NDUFS4: variants seen among roughly 807,000 people sequenced by gnomAD.
The protein encoded by NDUFS4 is NADH:ubiquinone oxidoreductase subunit S4.
In NDUFS4, 28 loss-of-function variants were observed where a neutral mutation model predicts 24.3. That is an observed-to-expected ratio of 1.15 (90% CI 0.85 to 1.58). The LOEUF (loss-of-function observed/expected upper bound fraction) is 1.58, where lower values mean the gene tolerates loss of function less well. Ranked by LOEUF, NDUFS4 falls within the 40% of genes most tolerant of loss-of-function variation. The probability of loss-of-function intolerance (pLI) is 0.00; values close to 1 mark genes in which losing one functional copy is unlikely to be tolerated. For synonymous variants in NDUFS4, 93 were observed against 69.7 expected (o/e 1.34, Z -1.67); for missense variants, 223 against 207.9 (o/e 1.07, Z -0.45).
At chr5:53,671,974 C>G (rs773547067) in intron 4 of NDUFS4, among the ~76,000 whole-genome samples, 2 of 151,984 alleles carry the variant, frequency 1.3e-5, no homozygotes, top group Non-Finnish European at 2.9e-5. Context: ...GGGCTGAGGA[C>G]AAGCTGTGAA....
chr5:53,634,983 C>T (rs994747029), intron 2 of NDUFS4, among the ~76,000 whole-genome samples: 12 of 151,820 alleles, frequency 7.9e-5, no homozygotes, highest in Admixed American at 3.9e-4. Context: ...TGAGGTCAAG[C>T]GTTCGAGACC....
chr5:53,676,241 C>T (rs1269317442), intron 4 of NDUFS4, among the ~76,000 whole-genome samples: 1 of 152,114 alleles, frequency 6.6e-6, no homozygotes, highest in Non-Finnish European at 1.5e-5. Flanking sequence ...TGAGAGAGGA[C>T]AGACTTTATG....
intron 4 of NDUFS4, among the ~76,000 whole-genome samples, chr5:53,676,367 A>G (rs1740469548): frequency 3.3e-5 from 5 of 152,198 alleles, no homozygotes; most frequent in Admixed American, 3.3e-4. Context: ...AGGTTCCTGC[A>G]GGCCTCTGGT....
intron 2 of NDUFS4, among the ~76,000 whole-genome samples, chr5:53,642,890 A>C (rs1751744296): frequency 6.6e-6 from 1 of 152,168 alleles, no homozygotes; most frequent in African/African-American, 2.4e-5. Flanking sequence ...GCATCTTTCC[A>C]ATAGCAAATT....
chr5:53,644,682 C>T (rs1194862332), intron 2 of NDUFS4, among the ~76,000 whole-genome samples: 1 of 151,996 alleles, frequency 6.6e-6, no homozygotes, highest in Non-Finnish European at 1.5e-5. Context: ...CTCATTTTTA[C>T]TTTAAACTAG....
intron 1 of NDUFS4, among the ~76,000 whole-genome samples, chr5:53,579,133 A>ATTC (rs1200236259): frequency 6.6e-6 from 1 of 152,170 alleles, no homozygotes; most frequent in African/African-American, 2.4e-5. Flanking sequence ...TTCTTGAAAG[A>ATTC]TTCTTCCCTT....
At chr5:53,661,814 T>A (rs1461285907) in intron 4 of NDUFS4, among the ~76,000 whole-genome samples, 2 of 152,202 alleles carry the variant, frequency 1.3e-5, no homozygotes, top group Non-Finnish European at 2.9e-5. Context: ...TAGTGGTGTA[T>A]AAGAATGCTT....
intron 2 of NDUFS4, among the ~76,000 whole-genome samples, chr5:53,628,544 C>A (rs1375965788): frequency 6.6e-6 from 1 of 151,400 alleles, no homozygotes; most frequent in Non-Finnish European, 1.5e-5. Context: ...TATTATTGCC[C>A]CAATTTTAGA....
chr5:53,649,763 C>T (rs1296122816), intron 3 of NDUFS4, among the ~76,000 whole-genome samples: 3 of 152,136 alleles, frequency 2.0e-5, no homozygotes, highest in Non-Finnish European at 1.5e-5. Flanking sequence ...ATACTGTATT[C>T]CATAGGGGTT....
At chr5:53,649,071 AT>A (rs1379137604) in intron 3 of NDUFS4, among the ~76,000 whole-genome samples, 3 of 152,294 alleles carry the variant, frequency 2.0e-5, no homozygotes, top group African/African-American at 7.2e-5. Flanking sequence ...ACTTTTCCTT[AT>A]ATCAGAAACA....
intron 2 of NDUFS4, among the ~76,000 whole-genome samples, chr5:53,642,188 AT>A (rs1561381469): frequency 6.6e-6 from 1 of 152,248 alleles, no homozygotes; most frequent in South Asian, 2.1e-4. Flanking sequence ...GGCCAGTGGC[AT>A]TTTTGTGGTT....
intron 2 of NDUFS4, among the ~76,000 whole-genome samples, chr5:53,609,880 T>G (rs1750644482): frequency 1.3e-5 from 2 of 152,138 alleles, no homozygotes; most frequent in South Asian, 4.1e-4. Flanking sequence ...TGAAGAGACT[T>G]AGGGCTCCTG....
At chr5:53,648,697 C>T (rs984216981) in intron 3 of NDUFS4, among the ~76,000 whole-genome samples, 19 of 152,126 alleles carry the variant, frequency 1.2e-4, no homozygotes, top group African/African-American at 3.9e-4. Context: ...GTGGTGGCTT[C>T]TGCTGACATC....
chr5:53,607,926 GT>G (rs971462448), intron 2 of NDUFS4, among the ~76,000 whole-genome samples: 1 of 152,082 alleles, frequency 6.6e-6, no homozygotes, highest in Non-Finnish European at 1.5e-5. Flanking sequence ...CAAAAATAGA[GT>G]TTTTTAAATT....
chr5:53,677,820 A>G (rs1179027273), intron 4 of NDUFS4, among the ~76,000 whole-genome samples: 1 of 152,184 alleles, frequency 6.6e-6, no homozygotes, highest in Non-Finnish European at 1.5e-5. Flanking sequence ...TGTTCTGTGT[A>G]CAAATGGAGA....
At chr5:53,594,190 T>TA (rs1340692786) in intron 1 of NDUFS4, among the ~76,000 whole-genome samples, 1 of 152,144 alleles carries the variant, frequency 6.6e-6, no homozygotes, top group African/African-American at 2.4e-5. Context: ...GTTTCATCAG[T>TA]GTTTGCATAG....
At chr5:53,615,991 C>A (rs1284987735) in intron 2 of NDUFS4, among the ~76,000 whole-genome samples, 1 of 151,876 alleles carries the variant, frequency 6.6e-6, no homozygotes, top group Non-Finnish European at 1.5e-5. Flanking sequence ...GATTTGACAT[C>A]CAAAGAATTA....
In NDUFS4 at chr5:53,658,551, G is replaced by C. The variant is rs1461022052; in HGVS notation, c.351G>C (p.Thr117=). 6.2e-7 allele frequency: 1 copy of C among 1,612,692 alleles called. No homozygotes were observed. The highest frequency in any genetic ancestry group is 1.1e-5 in the South Asian group (1 of 91,028). ...WENPLMGWAS[T]ADPLSNMVLT... is the part of the protein sequence containing the mutation. ...TTGGAAAAAAATTTGTTTCTTACAG[G>C]GCTGATCCCTTATCCAACATGGTTC... The change falls in exon 4 of 5, where the codon ACG becomes ACC. Residue 117 remains threonine, a splice_region_variant and synonymous_variant. Coordinates refer to ENST00000296684, the MANE Select transcript of NDUFS4 (RefSeq NM_002495.4).
At chr5:53,576,281 CAG>C (rs1279618442) in intron 1 of NDUFS4, among the ~76,000 whole-genome samples, 1 of 151,934 alleles carries the variant, frequency 6.6e-6, no homozygotes, top group African/African-American at 2.4e-5. Flanking sequence ...TCACAAGTTA[CAG>C]AAACCTAAAA....
Sources: allele counts gnomAD v4.1 joint callset (sites outside exome capture counted in the v4.1 genomes callset), GRCh38; gene constraint gnomAD v4.1.1; transcripts MANE v1.5; gene names NCBI Gene and HGNC (gene_info 2026-07-23, HGNC 2026-07-21).